Variants in CPLX2 observed in about 807,000 individuals in gnomAD.
The protein encoded by CPLX2 is complexin 2, also known as complexin-2.
Under a neutral mutation model 16.3 loss-of-function variants are expected in CPLX2, and 5 were observed. The ratio of observed to expected loss-of-function variants is 0.31; its 90% confidence interval spans 0.16 to 0.64. The LOEUF (loss-of-function observed/expected upper bound fraction) is 0.64, where lower values mean the gene tolerates loss of function less well. Among genes scored for constraint, CPLX2 ranks in the 30% least tolerant of loss-of-function variants. The pLI is 0.79. For missense variants in CPLX2, 144 were observed against 181.4 expected (o/e 0.79, Z 1.18); for synonymous variants, 89 against 73.2 (o/e 1.22, Z -1.10).
At chr5:175,808,385 C>T (rs1427811157) in intron 1 of CPLX2, among the ~76,000 whole-genome samples, 3 of 152,002 alleles carry the variant, frequency 2.0e-5, no homozygotes, top group African/African-American at 7.2e-5. Context: ...AGTCATGTAA[C>T]GGCCAACCTT....
intron 2 of CPLX2, among the ~76,000 whole-genome samples, chr5:175,823,229 G>A (rs1028261713): frequency 3.3e-5 from 5 of 152,198 alleles, no homozygotes; most frequent in African/African-American, 1.2e-4. Context: ...GCCTGTTGCT[G>A]TACACCCAAT....
At chr5:175,801,494 G>A (rs1035853426) in intron 1 of CPLX2, among the ~76,000 whole-genome samples, 2 of 152,330 alleles carry the variant, frequency 1.3e-5, no homozygotes, top group East Asian at 3.9e-4. Flanking sequence ...AAGGGGCAGC[G>A]TGTGGTAGCT....
At chr5:175,812,158 A>G (rs992221911) in intron 2 of CPLX2, among the ~76,000 whole-genome samples, 1 of 152,228 alleles carries the variant, frequency 6.6e-6, no homozygotes, top group Non-Finnish European at 1.5e-5. Context: ...TGAAGGGAAA[A>G]TGACCCAGAA....
chr5:175,878,416 T>C (rs953757596), intron 1 of CPLX2: 16 of 476,576 alleles, frequency 3.4e-5, no homozygotes, highest in Non-Finnish European at 2.2e-5. Flanking sequence ...AGGGTCAAGA[T>C]GAAGGCTTTA....
intron 2 of CPLX2, among the ~76,000 whole-genome samples, chr5:175,852,626 A>G (rs1759179916): frequency 6.6e-6 from 1 of 152,240 alleles, no homozygotes; most frequent in Admixed American, 6.5e-5. Flanking sequence ...ACTGAGGATC[A>G]GAGAGACAAA....
At chr5:175,818,334 A>T (rs1758445187) in intron 2 of CPLX2, among the ~76,000 whole-genome samples, 1 of 152,076 alleles carries the variant, frequency 6.6e-6, no homozygotes, top group African/African-American at 2.4e-5. Flanking sequence ...TTGAGCAGGG[A>T]GTGGTGACAG....
intron 1 of CPLX2, among the ~76,000 whole-genome samples, chr5:175,806,344 C>T (rs1758200788): frequency 6.6e-6 from 1 of 152,168 alleles, no homozygotes; most frequent in Admixed American, 6.5e-5. Flanking sequence ...TCTGCAAATC[C>T]TTAGCTCCAG....
chr5:175,829,174 T>A (rs1206687230), intron 2 of CPLX2, among the ~76,000 whole-genome samples: 1 of 152,204 alleles, frequency 6.6e-6, no homozygotes, highest in African/African-American at 2.4e-5. Context: ...GATCTCTCCA[T>A]AGGCAGCCTT....
At chr5:175,819,740 T>C (rs113475862) in intron 2 of CPLX2, among the ~76,000 whole-genome samples, 3 of 152,154 alleles carry the variant, frequency 2.0e-5, no homozygotes, top group Non-Finnish European at 4.4e-5. Flanking sequence ...CAGTCACCCT[T>C]TGACCTCACA....
intron 1 of CPLX2, among the ~76,000 whole-genome samples, chr5:175,805,078 G>A (rs963174418): frequency 1.3e-5 from 2 of 152,152 alleles, no homozygotes; most frequent in Non-Finnish European, 2.9e-5. Context: ...GTAAGCATTC[G>A]GTAAACTCTT....
chr5:175,869,458 C>T (rs1338073313), upstream of CPLX2, among the ~76,000 whole-genome samples: 1 of 152,030 alleles, frequency 6.6e-6, no homozygotes, highest in Non-Finnish European at 1.5e-5. Context: ...AGTTCTTCCT[C>T]TCAGAGCTTC....
chr5:175,828,074 C>T (rs1758652695), intron 2 of CPLX2, among the ~76,000 whole-genome samples: 1 of 152,222 alleles, frequency 6.6e-6, no homozygotes, highest in South Asian at 2.1e-4. Context: ...TTTAGATTAA[C>T]TGCCTCACAT....
rs1561796617 is a variant in CPLX2, at chr5:175,883,910, GC to G, written c.*3871del. The G allele has an allele frequency of 2.0e-5, 3 of 152,434 alleles. No homozygotes were observed. Among genetic ancestry groups the G allele is most frequent in the Non-Finnish European group, 2.9e-5 (2 of 68,110 alleles). The allele number at this position is 152,434 out of a possible 1,614,324, so 9.4% of individuals were successfully genotyped here. The stretch of plus-strand genomic sequence containing the variant: ...GGGGGAGGGGAGGAGCACCCCCTCA[GC>G]CCCCCTGAACCTGACCAAAAGCCAT... On this transcript the variant is annotated 3_prime_UTR_variant, in exon 4 of 4. Transcript: ENST00000393745.
chr5:175,869,422 T>C (rs1308574002), upstream of CPLX2, among the ~76,000 whole-genome samples: 5 of 152,238 alleles, frequency 3.3e-5, no homozygotes, highest in Admixed American at 2.6e-4. Flanking sequence ...GTCTATCCTA[T>C]GGCTGGACAG....
At chr5:175,836,933 G>A (rs369978686) in intron 2 of CPLX2, among the ~76,000 whole-genome samples, 17 of 152,218 alleles carry the variant, frequency 1.1e-4, no homozygotes, top group African/African-American at 2.2e-4. Context: ...TGGTGCAGCC[G>A]AAGCTGTGTT....
At chr5:175,814,415 G>A (rs1292360092) in intron 2 of CPLX2, among the ~76,000 whole-genome samples, 3 of 152,226 alleles carry the variant, frequency 2.0e-5, no homozygotes, top group African/African-American at 7.2e-5. Context: ...TCTGGTTTCT[G>A]GCAAGGTTGA....
chr5:175,840,375 C>A (rs945716575), intron 2 of CPLX2, among the ~76,000 whole-genome samples: 1 of 152,072 alleles, frequency 6.6e-6, no homozygotes, highest in African/African-American at 2.4e-5. Context: ...TTTTAATTTG[C>A]GTCTTTTCTT....
At position 175,845,345 on chromosome 5, in the gene CPLX2, C is replaced by T. The variant is rs545451388; in HGVS notation, c.-88-33307C>T. On this transcript the variant is annotated intron_variant, in intron 2 of 4. Transcript: ENST00000359546. The surrounding 1 kb of genome is among the most constrained non-coding windows in gnomAD (Gnocchi z 4.0). ...CATCACCTGGCTCCTGCGGCCTCTC[C>T]GGCCTCATTTCCTCAACTCTGCCCC... is the stretch of plus-strand genomic sequence containing the variant. Among the ~76,000 whole-genome samples, 6 of 152,340 alleles carry T rather than the reference C, an allele frequency of 3.9e-5. No homozygotes were observed. The East Asian group carries it at 5.8e-4, about 15-fold the overall frequency.
chr5:175,875,388 A>C (rs1283562282), intron 1 of CPLX2, among the ~76,000 whole-genome samples: 1 of 152,126 alleles, frequency 6.6e-6, no homozygotes, highest in Non-Finnish European at 1.5e-5. Context: ...CAGGAGCTAG[A>C]AGGAGGGGAG....
Sources: gnomAD v4.1 joint callset for allele counts (sites outside exome capture counted in the v4.1 genomes callset) on GRCh38, gnomAD v4.1.1 for gene constraint, Gnocchi (gnomAD v3.1) non-coding constraint, MANE v1.5 for transcripts, NCBI Gene and HGNC (gene_info 2026-07-23, HGNC 2026-07-21) for gene names.